The following RFX7 variants were observed in gnomAD, a reference collection of about 807,000 sequenced individuals.
RFX7 encodes the protein regulatory factor X7, also known as DNA-binding protein RFX7.
In RFX7, 26 loss-of-function variants were observed where a neutral mutation model predicts 111.8. The ratio of observed to expected loss-of-function variants is 0.23; its 90% CI spans 0.17 to 0.32. The LOEUF is 0.32. Ranked by LOEUF, RFX7 falls within the 10% of genes least tolerant of loss-of-function variation. The pLI is 1.00. For synonymous variants in RFX7, 624 were observed against 624.4 expected (o/e 1.00, Z 0.01); for missense variants, 1,573 against 1,772.9 (o/e 0.89, Z 2.02).
intron 2 of RFX7, among the ~76,000 whole-genome samples, chr15:56,230,011 T>A (rs2043532592): frequency 6.6e-6 from 1 of 152,190 alleles, no homozygotes; most frequent in Admixed American, 6.5e-5. Context: ...CAGGCTTCCT[T>A]TGCCACCTTC....
intron 5 of RFX7, among the ~76,000 whole-genome samples, chr15:56,125,701 T>C (rs546187558): frequency 5.6e-4 from 85 of 152,196 alleles, no homozygotes; most frequent in African/African-American, 1.8e-3. Flanking sequence ...AGCTAGTTCA[T>C]ATATACAGTT....
chr15:56,222,126 TTTTG>T (rs2043432966), intron 2 of RFX7, among the ~76,000 whole-genome samples: 1 of 152,172 alleles, frequency 6.6e-6, no homozygotes, highest in South Asian at 2.1e-4. Context: ...AGAAATATAT[TTTTG>T]TTTGATTTAA....
rs368258249 is a variant in RFX7, at chr15:56,141,656, A to AAT, written c.401+1120_401+1121dup. On this transcript the variant is annotated intron_variant, in intron 5 of 9. Transcript: ENST00000559447. ...TAATGAAGAATCTATGCTTACTCTA[A>AAT]ATATATATATATATATATATGCATA... Among the ~76,000 whole-genome samples, 22 of 83,210 alleles carry AAT rather than the reference A, an allele frequency of 2.6e-4. 3 individuals carry two copies. The highest frequency in any genetic ancestry group is 7.9e-4 in the African/African-American group (12 of 15,252). 54.6% of individuals were successfully genotyped at this position (83,210 alleles called of 152,430 possible).
In RFX7 at chr15:56,243,565, C is replaced by G. The variant is rs555902124; in HGVS notation, c.-123G>C. 3.2e-6 allele frequency: 3 copies of G among 939,854 alleles called. No individual in the cohort carries two copies. The highest frequency in any genetic ancestry group is 2.5e-6 in the Non-Finnish European group (2 of 789,690). The allele number at this position is 939,854 out of a possible 1,614,324, so 58.2% of individuals were successfully genotyped here. On this transcript the variant is annotated 5_prime_UTR_variant, in exon 1 of 10. Transcript: ENST00000559447. ...AGGCATGGCGGCGCCCCTCAGCCCC[C>G]CGCTGGCGCCGCCGCCTCCTCCCGT... is the stretch of plus-strand genomic sequence containing the variant.
At chr15:56,232,529 TGTTTCCTC>T (rs1176036017) in intron 2 of RFX7, among the ~76,000 whole-genome samples, 1 of 152,206 alleles carries the variant, frequency 6.6e-6, no homozygotes, top group East Asian at 1.9e-4. Flanking sequence ...GATTAACACT[TGTTTCCTC>T]GTTACTTATG....
chr15:56,137,324 TCTTC>T (rs2042318331), intron 5 of RFX7, among the ~76,000 whole-genome samples: 1 of 152,230 alleles, frequency 6.6e-6, no homozygotes, highest in African/African-American at 2.4e-5. Context: ...ATATTCAACT[TCTTC>T]CTGGTTTAGT....
chr15:56,131,804 A>AG, intron 5 of RFX7, among the ~76,000 whole-genome samples: 1 of 152,152 alleles, frequency 6.6e-6, no homozygotes, highest in Admixed American at 6.5e-5. Flanking sequence ...TAAATGTAAT[A>AG]ACAAAGTAAA....
intron 2 of RFX7, among the ~76,000 whole-genome samples, chr15:56,198,613 T>C (rs1385978338): frequency 6.6e-6 from 1 of 152,040 alleles, no homozygotes; most frequent in East Asian, 1.9e-4. Context: ...CTTCAACAAA[T>C]AAAAAACTTC....
At chr15:56,119,862 G>T (rs62044097) in intron 5 of RFX7, among the ~76,000 whole-genome samples, 2 of 151,442 alleles carry the variant, frequency 1.3e-5, no homozygotes, top group South Asian at 4.2e-4. Context: ...CTGTTCTTTT[G>T]GTCTATGTGT....
chr15:56,222,569 G>T (rs762971060), intron 2 of RFX7, among the ~76,000 whole-genome samples: 16 of 151,984 alleles, frequency 1.1e-4, no homozygotes, highest in Non-Finnish European at 2.1e-4. Context: ...CTTCAGTGAA[G>T]TTTTCTTCGT....
At chr15:56,108,376 G>T (rs2041859911) in intron 5 of RFX7, among the ~76,000 whole-genome samples, 1 of 152,078 alleles carries the variant, frequency 6.6e-6, no homozygotes, top group Non-Finnish European at 1.5e-5. Flanking sequence ...TTCATCCCTG[G>T]GAAGCAAGGT....
chr15:56,194,018 CATATATA>C (rs1159196272), intron 2 of RFX7, among the ~76,000 whole-genome samples: 16 of 152,126 alleles, frequency 1.1e-4, no homozygotes, highest in South Asian at 8.3e-4. Context: ...ATGGGCCAAA[CATATATA>C]ATATATAATA....
At chr15:56,124,483 C>T (rs1463077714) in intron 5 of RFX7, among the ~76,000 whole-genome samples, 3 of 151,858 alleles carry the variant, frequency 2.0e-5, no homozygotes, top group Non-Finnish European at 4.4e-5. Flanking sequence ...TTCCCACCAA[C>T]AGTGTGTAAG....
At chr15:56,109,813 C>A (rs2140931887) in intron 5 of RFX7, among the ~76,000 whole-genome samples, 1 of 151,708 alleles carries the variant, frequency 6.6e-6, no homozygotes, top group East Asian at 2.0e-4. Context: ...CGCCCAGCAG[C>A]CGCCCTGTCT....
chr15:56,093,172 T>C lies in RFX7; in HGVS notation c.*173A>G. 1 of 577,452 alleles carries C rather than the reference T, an allele frequency of 1.7e-6. No homozygotes were observed. Among genetic ancestry groups the C allele is most frequent in the Non-Finnish European group, 3.0e-6 (1 of 334,498 alleles). 35.8% of individuals were successfully genotyped at this position (577,452 alleles called of 1,614,324 possible). A position where few individuals can be genotyped will look rare whatever the true frequency, so the allele number is the denominator to read the frequency against. ...TCTACAGCCTACTGTCTTTAGACACTTGTTAAGAACTGAGGCAAGTCTAAC... is the reference window on the plus strand; with the variant it reads ...TCTACAGCCTACTGTCTTTAGACACCTGTTAAGAACTGAGGCAAGTCTAAC... On this transcript the variant is annotated 3_prime_UTR_variant, in exon 10 of 10. Transcript: ENST00000559447.
chr15:56,097,639 C>CG (rs2041697271), intron 9 of RFX7, among the ~76,000 whole-genome samples: 1 of 146,120 alleles, frequency 6.8e-6, no homozygotes, highest in South Asian at 2.2e-4. Context: ...CCCAGTTACT[C>CG]GGGAGGCTGA....
chr15:56,105,024 G>T (rs1381205686), intron 5 of RFX7, among the ~76,000 whole-genome samples: 1 of 152,138 alleles, frequency 6.6e-6, no homozygotes, highest in Non-Finnish European at 1.5e-5. Context: ...GAAATGAGCT[G>T]CATCAAATCA....
Position 56,103,502 on chromosome 15 carries a change from A to G in RFX7, c.518+52T>C, listed in dbSNP as rs780289470. On this transcript the variant is annotated intron_variant, in intron 6 of 9. Coordinates refer to ENST00000559447, the MANE Select transcript of RFX7 (RefSeq NM_022841.7). ...GTTGAACTACAACAATAGATGTTCT[A>G]TAACAAGTGAGAACACAGAGATATT... 19 of 1,159,044 alleles carry G rather than the reference A, an allele frequency of 1.6e-5. No individual in the cohort carries two copies. In the Middle Eastern group the frequency reaches 9.7e-4, roughly 59 times the overall value. The allele number at this position is 1,159,044 out of a possible 1,614,324, so 71.8% of individuals were successfully genotyped here.
chr15:56,205,540 A>G (rs1461711331), intron 2 of RFX7, among the ~76,000 whole-genome samples: 1 of 152,214 alleles, frequency 6.6e-6, no homozygotes, highest in African/African-American at 2.4e-5. Flanking sequence ...TTGACTAACA[A>G]AACTTTAAAA....
Sources: allele counts gnomAD v4.1 joint callset (sites outside exome capture counted in the v4.1 genomes callset), GRCh38; gene constraint gnomAD v4.1.1; transcripts MANE v1.5; gene names NCBI Gene and HGNC (gene_info 2026-07-23, HGNC 2026-07-21).